SLC4A5: variants seen among roughly 807,000 people sequenced by gnomAD.
SLC4A5 encodes solute carrier family 4 member 5, also known as electrogenic sodium bicarbonate cotransporter 4.
Under a neutral mutation model 120.4 loss-of-function variants are expected in SLC4A5, and 96 were observed. That is an observed-to-expected ratio of 0.80 (90% CI 0.68 to 0.94). The LOEUF (loss-of-function observed/expected upper bound fraction) is 0.94, where lower values mean the gene tolerates loss of function less well. Among genes scored for constraint, SLC4A5 ranks in the 40% least tolerant of loss-of-function variants. The pLI is 0.00. For missense variants in SLC4A5, 1,259 were observed against 1,459.5 expected (o/e 0.86, Z 2.24); for synonymous variants, 550 against 571.1 (o/e 0.96, Z 0.53).
At chr2:74,272,348 A>G (rs1289992463) in intron 8 of SLC4A5, among the ~76,000 whole-genome samples, 1 of 152,244 alleles carries the variant, frequency 6.6e-6, no homozygotes, top group Non-Finnish European at 1.5e-5. Context: ...CATTCTCCAG[A>G]ATGAATAAAG....
Position 74,254,689 on chromosome 2 carries a change from A to AG in SLC4A5, c.1042dup (p.Leu348ProfsTer12). 6.2e-7 allele frequency: 1 copy of AG among 1,613,894 alleles called. No individual in the cohort carries two copies. Among genetic ancestry groups the AG allele is most frequent in the Non-Finnish European group, 8.5e-7 (1 of 1,179,770 alleles). ...GGATTTTGCTCTCCCAGAAGGTCCC[A>AG]GTAGTATAAACAGAAATCTGCAAAG... is the stretch of plus-strand genomic sequence containing the variant. On this transcript the variant is annotated frameshift_variant, in exon 14 of 31. Transcript: ENST00000394019. LOFTEE classifies it high-confidence loss of function.
At chr2:74,233,678 G>A in intron 22 of SLC4A5, 115 bp from the exon 23 acceptor site, 1 of 1,283,652 alleles carries the variant, frequency 7.8e-7, no homozygotes, top group South Asian at 1.6e-5. Context: ...TACTTTTCAA[G>A]TGCAATCTTT....
intron 5 of SLC4A5, among the ~76,000 whole-genome samples, chr2:74,317,528 G>A (rs1275226668): frequency 6.6e-6 from 1 of 152,100 alleles, no homozygotes; most frequent in Non-Finnish European, 1.5e-5. Context: ...GGAGTTCTGA[G>A]GTTAAATCCT....
chr2:74,241,506 C>T (rs1433900262), intron 20 of SLC4A5, among the ~76,000 whole-genome samples: 4 of 151,776 alleles, frequency 2.6e-5, no homozygotes, highest in Non-Finnish European at 2.9e-5. Flanking sequence ...TTTGGGAGGC[C>T]GAGGCCGGCA....
intron 17 of SLC4A5, among the ~76,000 whole-genome samples, chr2:74,249,014 T>A (rs1670707592): frequency 6.6e-6 from 1 of 152,216 alleles, no homozygotes; most frequent in African/African-American, 2.4e-5. Context: ...CTCGGCACAA[T>A]GGACATTTTG....
intron 4 of SLC4A5, among the ~76,000 whole-genome samples, chr2:74,332,076 C>T (rs1673377254): frequency 1.3e-5 from 2 of 152,134 alleles, no homozygotes; most frequent in African/African-American, 2.4e-5. Flanking sequence ...CATTCAAAAC[C>T]ACATTCTCCA....
At position 74,250,525 on chromosome 2, in the gene SLC4A5, A is replaced by C; in HGVS notation, c.1479-8T>G. The stretch of plus-strand genomic sequence containing the variant: ...CACAGGCCACCGAAGAACCTGCTCA[A>C]GACAGGCCCAGGGGCTGCTTTCTCA... On this transcript the variant is annotated splice_region_variant and splice_polypyrimidine_tract_variant and intron_variant, in intron 16 of 30. Coordinates refer to ENST00000394019, the Ensembl canonical transcript of SLC4A5. 6.2e-7 allele frequency: 1 copy of C among 1,614,152 alleles called. No homozygotes were observed. Among genetic ancestry groups the C allele is most frequent in the Non-Finnish European group, 8.5e-7 (1 of 1,179,988 alleles).
In SLC4A5 at chr2:74,265,274, T is replaced by C; in HGVS notation, c.402-10A>G. On this transcript the variant is annotated splice_polypyrimidine_tract_variant and intron_variant, in intron 8 of 30. Coordinates refer to ENST00000394019, the Ensembl canonical transcript of SLC4A5. The stretch of plus-strand genomic sequence containing the variant: ...TTCAAACTTTATCCACCTGGAAGGG[T>C]AAGGATGGGGCTCAGTGTGGCCAGG... The C allele has an allele frequency of 6.2e-7, 1 of 1,613,082 alleles. No homozygotes were observed. Among genetic ancestry groups the C allele is most frequent in the Non-Finnish European group, 8.5e-7 (1 of 1,179,384 alleles).
chr2:74,276,572 C>T (rs1671645593), intron 8 of SLC4A5, among the ~76,000 whole-genome samples: 1 of 146,436 alleles, frequency 6.8e-6, no homozygotes, highest in African/African-American at 2.6e-5. Flanking sequence ...AATTGCACCA[C>T]CTATACTCTC....
intron 5 of SLC4A5, among the ~76,000 whole-genome samples, chr2:74,315,878 T>C (rs1672952144): frequency 6.6e-6 from 1 of 152,046 alleles, no homozygotes. Flanking sequence ...ACATAAAATA[T>C]AGTTGAGAAT....
chr2:74,313,420 G>A (rs141735910), intron 6 of SLC4A5, among the ~76,000 whole-genome samples: 1 of 152,272 alleles, frequency 6.6e-6, no homozygotes, highest in African/African-American at 2.4e-5. Context: ...TGTTGAATAT[G>A]CTTTAGACAG....
chr2:74,268,526 T>C (rs1671375627), intron 8 of SLC4A5, among the ~76,000 whole-genome samples: 1 of 152,244 alleles, frequency 6.6e-6, no homozygotes, highest in East Asian at 1.9e-4. Flanking sequence ...CTGGTAGACA[T>C]TCAGATTATT....
chr2:74,271,645 T>G (rs1234221989), intron 8 of SLC4A5, among the ~76,000 whole-genome samples: 4 of 152,000 alleles, frequency 2.6e-5, no homozygotes, highest in Middle Eastern at 3.2e-3. Flanking sequence ...TCCTCTCTGG[T>G]GTCCCCTTAT....
chr2:74,256,840 G>A (rs781472910), intron 12 of SLC4A5, among the ~76,000 whole-genome samples: 9 of 152,156 alleles, frequency 5.9e-5, no homozygotes, highest in Non-Finnish European at 1.2e-4. Context: ...TAATTTTGTC[G>A]GAAGATGGAG....
intron 7 of SLC4A5, among the ~76,000 whole-genome samples, chr2:74,297,999 A>C (rs1296463534): frequency 1.3e-5 from 2 of 152,230 alleles, no homozygotes; most frequent in African/African-American, 2.4e-5. Flanking sequence ...GGGCAAGCAC[A>C]GTCTTTGGAG....
chr2:74,222,934 A>G (rs1221901475), exon 29 of SLC4A5: 2 of 1,611,828 alleles, frequency 1.2e-6, no homozygotes, highest in Admixed American at 3.3e-5. Context: ...TTTATAACCG[A>G]GGGAGGAGGG....
chr2:74,252,095 T>A (rs760812931), intron 16 of SLC4A5, 84 bp downstream of exon 16: 66 of 1,447,462 alleles, frequency 4.6e-5, no homozygotes, highest in Non-Finnish European at 6.2e-5. Flanking sequence ...CTACAGACCA[T>A]GGTTGGGAAA....
At position 74,231,193 on chromosome 2, in the gene SLC4A5, T is replaced by C. The variant is rs774682105; in HGVS notation, c.2847+43A>G. 140 of 1,579,974 alleles carry C rather than the reference T, an allele frequency of 8.9e-5. 1 individual carries two copies. Among genetic ancestry groups the C allele is most frequent in the Non-Finnish European group, 9.8e-5 (114 of 1,157,908 alleles). Reference sequence around the variant, plus strand: ...TCCCTGCCTAAGGCATCCGCTCTGCTTTCTCAGGCAACGAGGCCCTAGGTG... The same window carrying C: ...TCCCTGCCTAAGGCATCCGCTCTGCCTTCTCAGGCAACGAGGCCCTAGGTG... On this transcript the variant is annotated intron_variant, in intron 25 of 30. Transcript: ENST00000394019.
chr2:74,296,239 G>C (rs1282909037), intron 7 of SLC4A5, among the ~76,000 whole-genome samples: 3 of 152,148 alleles, frequency 2.0e-5, no homozygotes, highest in South Asian at 4.1e-4. Context: ...GGCAAGAAGA[G>C]AGTGGTGTAG....
Sources: allele counts gnomAD v4.1 joint callset (sites outside exome capture counted in the v4.1 genomes callset), GRCh38; gene constraint gnomAD v4.1.1; transcripts MANE v1.5; gene names NCBI Gene and HGNC (gene_info 2026-07-23, HGNC 2026-07-21).